The following SNX4 variants were observed in gnomAD, a reference collection of about 807,000 sequenced individuals.
The protein encoded by SNX4 is sorting nexin 4.
Under a neutral mutation model 70.8 loss-of-function variants are expected in SNX4, and 49 were observed. The ratio of observed to expected loss-of-function variants is 0.69; its 90% CI spans 0.55 to 0.88. The LOEUF is 0.88. SNX4 is among the 40% of genes least tolerant of loss of function. SNX4 has a pLI of 0.00. For synonymous variants in SNX4, 206 were observed against 183.8 expected (o/e 1.12, Z -0.98); for missense variants, 528 against 544.8 (o/e 0.97, Z 0.31).
At chr3:125,513,866 C>T (rs1383654665) in intron 1 of SNX4, among the ~76,000 whole-genome samples, 2 of 152,174 alleles carry the variant, frequency 1.3e-5, no homozygotes, top group Non-Finnish European at 2.9e-5. Flanking sequence ...TAACAAATGA[C>T]CATAGACTGG....
At chr3:125,493,146 G>A (rs1934699411) in intron 5 of SNX4, among the ~76,000 whole-genome samples, 2 of 151,992 alleles carry the variant, frequency 1.3e-5, no homozygotes, top group African/African-American at 4.8e-5. Context: ...ACAGAGTCTT[G>A]CTATGTTACC....
intron 5 of SNX4, among the ~76,000 whole-genome samples, chr3:125,496,548 G>A (rs1248643473): frequency 6.6e-6 from 1 of 152,034 alleles, no homozygotes; most frequent in African/African-American, 2.4e-5. Context: ...TTTATATTAT[G>A]TTATATATCA....
chr3:125,501,126 C>T lies in SNX4; in HGVS notation c.264-2932G>A, dbSNP rs578093756. Among the ~76,000 whole-genome samples the T allele has an allele frequency of 9.9e-5, 15 of 152,098 alleles. No individual in the cohort carries two copies. The South Asian group carries it at 2.3e-3, about 23-fold the overall frequency. ...ATTAAATTAAGAAATTTGATGATTG[C>T]GGTTGATGAAGGTCAGTTAACCTTA... On this transcript the variant is annotated intron_variant, in intron 2 of 13. Coordinates refer to ENST00000251775, the MANE Select transcript of SNX4 (RefSeq NM_003794.4).
chr3:125,487,685 A>G (rs1194719206), intron 6 of SNX4, among the ~76,000 whole-genome samples: 1 of 151,414 alleles, frequency 6.6e-6, no homozygotes, highest in Non-Finnish European at 1.5e-5. Flanking sequence ...AAAAACCTCA[A>G]TGGAACCATA....
At chr3:125,492,374 T>C (rs1934681281) in intron 5 of SNX4, among the ~76,000 whole-genome samples, 2 of 152,096 alleles carry the variant, frequency 1.3e-5, no homozygotes, top group African/African-American at 2.4e-5. Context: ...AGGGTGACCA[T>C]GTGGCCTGGT....
intron 13 of SNX4, among the ~76,000 whole-genome samples, chr3:125,449,673 T>G (rs1466034807): frequency 1.3e-5 from 2 of 152,218 alleles, no homozygotes; most frequent in African/African-American, 2.4e-5. Flanking sequence ...TGAATAAACC[T>G]ACAAAATATC....
chr3:125,480,215 T>C (rs774617162), intron 7 of SNX4, 32 bp downstream of exon 7: 10 of 1,369,198 alleles, frequency 7.3e-6, no homozygotes, highest in Non-Finnish European at 1.0e-5. Flanking sequence ...TCCTTATGCA[T>C]GTGCATCAAA....
chr3:125,496,205 G>C (rs963727575), intron 5 of SNX4, among the ~76,000 whole-genome samples: 1 of 152,114 alleles, frequency 6.6e-6, no homozygotes, highest in East Asian at 1.9e-4. Context: ...GAGGCAGGCG[G>C]ATCGCTTGAG....
intron 8 of SNX4, among the ~76,000 whole-genome samples, chr3:125,471,372 G>A (rs1227913287): frequency 6.2e-3 from 325 of 52,450 alleles, no homozygotes; most frequent in African/African-American, 0.01. Flanking sequence ...AAAAAAAAAA[G>A]CTTTTCACCA....
At chr3:125,477,632 A>T (rs1934315914) in intron 7 of SNX4, among the ~76,000 whole-genome samples, 1 of 152,200 alleles carries the variant, frequency 6.6e-6, no homozygotes, top group South Asian at 2.1e-4. Flanking sequence ...CATTAATGAT[A>T]GAACAAATCA....
intron 7 of SNX4, among the ~76,000 whole-genome samples, chr3:125,478,280 G>A (rs1214939271): frequency 6.6e-6 from 1 of 151,858 alleles, no homozygotes; most frequent in African/African-American, 2.4e-5. Context: ...ATGCTGGTCA[G>A]GCTGGTCTCA....
intron 6 of SNX4, among the ~76,000 whole-genome samples, chr3:125,485,251 C>T (rs1051718836): frequency 6.6e-6 from 1 of 151,844 alleles, no homozygotes; most frequent in Non-Finnish European, 1.5e-5. Flanking sequence ...GTCTCAAAAA[C>T]AACAAAGGCA....
intron 1 of SNX4, among the ~76,000 whole-genome samples, chr3:125,519,052 G>A (rs1268574601): frequency 2.0e-5 from 3 of 152,124 alleles, no homozygotes; most frequent in Middle Eastern, 3.4e-3. Context: ...TTAGCCGTGC[G>A]TGGTGGTGTG....
At chr3:125,481,913 C>T (rs1189327558) in intron 6 of SNX4, among the ~76,000 whole-genome samples, 1 of 151,692 alleles carries the variant, frequency 6.6e-6, no homozygotes, top group Non-Finnish European at 1.5e-5. Flanking sequence ...TTTAAAGGCC[C>T]AGTACTGTGT....
intron 2 of SNX4, among the ~76,000 whole-genome samples, chr3:125,499,922 T>C (rs1486851205): frequency 6.6e-6 from 1 of 151,894 alleles, no homozygotes; most frequent in Non-Finnish European, 1.5e-5. Flanking sequence ...TATCTGGGCG[T>C]GGTGGCAGGT....
At chr3:125,501,612 T>C (rs1934933414) in intron 2 of SNX4, among the ~76,000 whole-genome samples, 2 of 147,744 alleles carry the variant, frequency 1.4e-5, no homozygotes, top group South Asian at 4.3e-4. Context: ...AGAGCGAGAC[T>C]CCACCTTAAA....
chr3:125,498,115 T>G lies in SNX4; in HGVS notation c.343A>C (p.Ser115Arg). The G allele has an allele frequency of 6.2e-7, 1 of 1,614,182 alleles. No homozygotes were observed. Reference sequence around the variant, plus strand: ...TGTGGATAGTAAACTAAAAGGTAGCTTCTCAACAACTCAAATTCACTATAT... The same window carrying G: ...TGTGGATAGTAAACTAAAAGGTAGCGTCTCAACAACTCAAATTCACTATAT... Reference protein sequence around the residue: ...RRYSEFELLRSYLLVYYPHIV... With the variant: ...RRYSEFELLRRYLLVYYPHIV... The change falls in exon 3 of 14, where the codon AGC (serine) becomes CGC (arginine). Residue 115 changes from serine (S) to arginine (R), a missense_variant. By Grantham distance (110) the Ser-to-Arg change is moderately radical. Around this residue, in one of 3 missense-constraint regions of SNX4, gnomAD observed 341 missense variants for 312.2 expected, o/e 1.09. Coordinates refer to ENST00000251775, the MANE Select transcript of SNX4 (RefSeq NM_003794.4).
intron 9 of SNX4, among the ~76,000 whole-genome samples, chr3:125,468,037 T>C (rs1442921718): frequency 6.6e-6 from 1 of 152,184 alleles, no homozygotes; most frequent in Admixed American, 6.5e-5. Flanking sequence ...GGTACATGTA[T>C]ACCATGGAAT....
intron 8 of SNX4, 69 bp from the exon 9 acceptor site, chr3:125,469,588 T>C: frequency 1.9e-6 from 2 of 1,074,494 alleles, no homozygotes; most frequent in Non-Finnish European, 2.9e-6. Flanking sequence ...AATGGACTCT[T>C]TTCAAGATTC....
Sources: allele counts gnomAD v4.1 joint callset (sites outside exome capture counted in the v4.1 genomes callset), GRCh38; gene constraint gnomAD v4.1.1; regional missense constraint gnomAD v4.1.1; transcripts MANE v1.5; gene names NCBI Gene and HGNC (gene_info 2026-07-23, HGNC 2026-07-21).